The following CLPTM1 variants were observed in gnomAD, a reference collection of about 807,000 sequenced individuals.
CLPTM1 encodes putative lipid scramblase CLPTM1.
In CLPTM1, 21 loss-of-function variants were observed where a neutral mutation model predicts 77.3. The observed-to-expected ratio is 0.27, with a 90% CI of 0.19 to 0.39. CLPTM1 has a LOEUF of 0.39. CLPTM1 is among the 10% of genes least tolerant of loss of function. The pLI is 1.00. For missense variants in CLPTM1, 642 were observed against 921.2 expected, an observed-to-expected ratio of 0.70 and a Z score of 3.92; for synonymous variants, 373 against 381.0, an observed-to-expected ratio of 0.98 and a Z score of 0.24.
intron 5 of CLPTM1, among the ~76,000 whole-genome samples, chr19:44,978,912 C>T (rs891415635): frequency 6.6e-6 from 1 of 151,714 alleles, no homozygotes; most frequent in African/African-American, 2.4e-5. Context: ...AACATTCAAA[C>T]CATAGCATTG....
rs754687211 is a variant in CLPTM1 at position 44,974,570 on chromosome 19, G to A, written c.441G>A (p.Glu147=). Reference sequence around the variant, plus strand: ...GCGAGAACTCAGACGGCTGCTACGAGCACTTTGCTGAGCTCGATATCCCAC... The same window carrying A: ...GCGAGAACTCAGACGGCTGCTACGAACACTTTGCTGAGCTCGATATCCCAC... ...TSGENSDGCY[E]HFAELDIPQS... is the part of the protein sequence containing the mutation. The change falls in exon 4 of 14, where the codon GAG becomes GAA. Residue 147 remains glutamate, a synonymous_variant. Coordinates refer to ENST00000337392, the MANE Select transcript of CLPTM1 (RefSeq NM_001294.4). 1 of 1,614,108 alleles carries A rather than the reference G, an allele frequency of 6.2e-7. No homozygotes were observed.
chr19:44,966,120 G>A (rs1470701047), intron 2 of CLPTM1, among the ~76,000 whole-genome samples: 4 of 151,976 alleles, frequency 2.6e-5, no homozygotes, highest in African/African-American at 9.7e-5. Context: ...TAATGAAAAA[G>A]TGTAATGTGG....
intron 3 of CLPTM1, among the ~76,000 whole-genome samples, chr19:44,973,631 G>A (rs1443523182): frequency 2.0e-5 from 3 of 152,146 alleles, no homozygotes; most frequent in Non-Finnish European, 4.4e-5. Flanking sequence ...CAGTGGGCTT[G>A]GGCACAGGCA....
At chr19:44,987,945 T>A (rs1055340480) in intron 8 of CLPTM1, 135 bp from the exon 9 acceptor site, 24 of 719,578 alleles carry the variant, frequency 3.3e-5, no homozygotes, top group Non-Finnish European at 5.0e-5. Context: ...TCTGCCCATC[T>A]CTGACCCAGT....
At chr19:44,977,799 G>A (rs1970829660) in intron 5 of CLPTM1, among the ~76,000 whole-genome samples, 1 of 152,144 alleles carries the variant, frequency 6.6e-6, no homozygotes, top group Non-Finnish European at 1.5e-5. Flanking sequence ...CACAGTAGGG[G>A]CCTGATAGAA....
chr19:44,971,553 TTTAA>T (rs1158278180), intron 2 of CLPTM1, among the ~76,000 whole-genome samples: 1 of 152,092 alleles, frequency 6.6e-6, no homozygotes, highest in African/African-American at 2.4e-5. Context: ...TTTTAAAAAA[TTTAA>T]TTAATTAATT....
intron 2 of CLPTM1, among the ~76,000 whole-genome samples, chr19:44,963,845 C>T (rs1370471656): frequency 6.6e-6 from 1 of 151,890 alleles, no homozygotes; most frequent in Non-Finnish European, 1.5e-5. Flanking sequence ...CTCGAACTCC[C>T]AACCTCAGGC....
rs187505127 is a variant in CLPTM1, at chr19:44,991,711, C to T, written c.1555+338C>T. Among the ~76,000 whole-genome samples the T allele has an allele frequency of 3.9e-3, 598 of 152,132 alleles. 5 individuals are homozygous for T. Among genetic ancestry groups the T allele is most frequent in the African/African-American group, 0.014 (573 of 41,494 alleles). On this transcript the variant is annotated intron_variant, in intron 12 of 13. Transcript: ENST00000337392. This position sits in a 1 kb window ranked among gnomAD's most constrained non-coding sequence, Gnocchi z 5.4. ...TTGAGCCCAGGAATTCGTGACCAGC[C>T]TGGGCAACTTGGCAAGACCCGATCT...
intron 8 of CLPTM1, 174 bp downstream of exon 8, chr19:44,987,597 C>G (rs1482993746): frequency 2.4e-6 from 2 of 848,672 alleles, no homozygotes; most frequent in Non-Finnish European, 3.6e-6. Context: ...ACCCAGCCCT[C>G]CAGCCCTAGA....
intron 5 of CLPTM1, among the ~76,000 whole-genome samples, chr19:44,984,848 G>A (rs1467139949): frequency 5.9e-5 from 9 of 152,068 alleles, no homozygotes; most frequent in East Asian, 3.9e-4. Context: ...CACCACATCC[G>A]GCTGATTTTT....
chr19:44,992,557 A>C lies in CLPTM1; in HGVS notation c.1724-54A>C. 3.7e-6 allele frequency: 6 copies of C among 1,605,824 alleles called. No homozygotes were observed. The highest frequency in any genetic ancestry group is 5.1e-6 in the Non-Finnish European group (6 of 1,174,830). On this transcript the variant is annotated intron_variant, in intron 13 of 13. Transcript: ENST00000337392. The surrounding 1 kb of genome is among the most constrained non-coding windows in gnomAD (Gnocchi z 7.7). ...CATCACGCCCTCTCCACCCAGGCCC[A>C]CCTGGCTGTGGACGGGCCAGCCCGA...
chr19:44,974,244 G>A (rs984160138), intron 3 of CLPTM1, among the ~76,000 whole-genome samples, 195 bp from the exon 4 acceptor site: 2 of 152,132 alleles, frequency 1.3e-5, no homozygotes, highest in Non-Finnish European at 2.9e-5. Flanking sequence ...TGACTTCACA[G>A]GCTCAGACCA....
intron 2 of CLPTM1, among the ~76,000 whole-genome samples, chr19:44,967,441 C>G (rs760397377): frequency 2.0e-5 from 3 of 152,044 alleles, no homozygotes; most frequent in Non-Finnish European, 4.4e-5. Context: ...GGTGAATCAC[C>G]TGAGGTCGGG....
rs1362358654 is a variant in CLPTM1 at position 44,986,487 on chromosome 19, C to T, written c.705C>T (p.Ile235=). 1 of 1,614,116 alleles carries T rather than the reference C, an allele frequency of 6.2e-7. No homozygotes were observed. Among genetic ancestry groups the T allele is most frequent in the South Asian group, 1.1e-5 (1 of 91,082 alleles). The change falls in exon 7 of 14, where the codon ATC becomes ATT. Residue 235 remains isoleucine, a synonymous_variant. Coordinates refer to ENST00000337392, the MANE Select transcript of CLPTM1 (RefSeq NM_001294.4). ...AGGACTATGGGCCTGTGGAGGTGAT[C>T]TCCCATTGGCACCCCAACATCACCA... ...RAEDYGPVEV[I]SHWHPNITIN...
chr19:44,992,417 A>AC lies in CLPTM1; in HGVS notation c.1723+17_1723+18insC. On this transcript the variant is annotated intron_variant, in intron 13 of 13. Transcript: ENST00000337392. The surrounding 1 kb of genome is among the most constrained non-coding windows in gnomAD (Gnocchi z 7.7). ...TGCGGGACGGTGAGGCCCGGTGGGCAGGTGGGAGCTCCCACCGGAACAGGG... is the reference window on the plus strand; with the variant it reads ...TGCGGGACGGTGAGGCCCGGTGGGCACGGTGGGAGCTCCCACCGGAACAGGG... The AC allele has an allele frequency of 6.2e-7, 1 of 1,613,896 alleles. No homozygotes were observed. Among genetic ancestry groups the AC allele is most frequent in the Non-Finnish European group, 8.5e-7 (1 of 1,179,868 alleles).
intron 2 of CLPTM1, among the ~76,000 whole-genome samples, chr19:44,966,555 A>G (rs1970632251): frequency 6.6e-6 from 1 of 152,310 alleles, no homozygotes; most frequent in South Asian, 2.1e-4. Flanking sequence ...AGGTAGTGTC[A>G]GATAGCGTGT....
chr19:44,990,641 G>A lies in CLPTM1; in HGVS notation c.1323+56G>A. ...GCTGCAGGGGTTGGGAGGGGGTAGT[G>A]TGGCCCAGCTGGACCCTGGAGCTGG... On this transcript the variant is annotated intron_variant, in intron 10 of 13. Transcript: ENST00000337392. The surrounding 1 kb of genome is among the most constrained non-coding windows in gnomAD (Gnocchi z 4.8). The A allele has an allele frequency of 1.3e-6, 2 of 1,582,146 alleles. No homozygotes were observed.
chr19:44,987,111 A>G, intron 7 of CLPTM1, 68 bp from the exon 8 acceptor site: 1 of 1,556,040 alleles, frequency 6.4e-7, no homozygotes, highest in South Asian at 1.2e-5. Context: ...CTCTCCAGAC[A>G]TCTGAGGCCT....
intron 4 of CLPTM1, 95 bp from the exon 5 acceptor site, chr19:44,977,248 G>A: frequency 2.3e-6 from 2 of 888,854 alleles, no homozygotes; most frequent in Non-Finnish European, 1.8e-6. Context: ...GAGTTGAGGG[G>A]GAGGAAACTG....
Sources: gnomAD v4.1 joint callset for allele counts (sites outside exome capture counted in the v4.1 genomes callset) on GRCh38, gnomAD v4.1.1 for gene constraint, Gnocchi (gnomAD v3.1) non-coding constraint, MANE v1.5 for transcripts, NCBI Gene and HGNC (gene_info 2026-07-23, HGNC 2026-07-21) for gene names.